The following POLR3E variants were observed in gnomAD, a reference collection of about 807,000 sequenced individuals.
POLR3E encodes the protein RNA polymerase III subunit E, also known as DNA-directed RNA polymerase III subunit RPC5.
POLR3E carries 41 observed loss-of-function variants against 96.6 expected under a neutral mutation model. The ratio of observed to expected loss-of-function variants is 0.42; its 90% CI spans 0.33 to 0.55. The LOEUF is 0.55. Ranked by LOEUF, POLR3E falls within the 20% of genes least tolerant of loss-of-function variation. POLR3E has a pLI of 0.06. For synonymous variants in POLR3E, 396 were observed against 383.6 expected (o/e 1.03, Z -0.38); for missense variants, 849 against 952.1 (o/e 0.89, Z 1.43).
intron 1 of POLR3E, chr16:22,302,711 C>A (rs183791955): frequency 5.5e-6 from 3 of 543,752 alleles, no homozygotes; most frequent in Admixed American, 3.1e-5. Context: ...TTGGTCTACC[C>A]GCTTGCACCC....
In POLR3E at chr16:22,314,898, G is replaced by A. The variant is rs992239143; in HGVS notation, c.523-191G>A. Reference sequence around the variant, plus strand: ...GGGCAGGCACGAGCAAGTATAAGCCGTTCCCTGGCGTGTGCAGGCAGCTCT... The same window carrying A: ...GGGCAGGCACGAGCAAGTATAAGCCATTCCCTGGCGTGTGCAGGCAGCTCT... On this transcript the variant is annotated intron_variant, in intron 8 of 20. Coordinates refer to ENST00000299853, the MANE Select transcript of POLR3E (RefSeq NM_018119.4). The A allele has an allele frequency of 5.8e-5, 31 of 537,634 alleles. 1 individual carries two copies. The East Asian group carries it at 7.5e-4, about 13-fold the overall frequency. 33.3% of individuals were successfully genotyped at this position (537,634 alleles called of 1,614,324 possible).
Position 22,313,486 on chromosome 16 carries a change from C to A in POLR3E, c.365-134C>A. ...TCCCTGGCCTGGTGGTCCCAAGACT[C>A]TAGGATTGGGGGCTGCAGCGGGAAT... On this transcript the variant is annotated intron_variant, in intron 6 of 20. Coordinates refer to ENST00000299853, the MANE Select transcript of POLR3E (RefSeq NM_018119.4). This position sits in a 1 kb window ranked among gnomAD's most constrained non-coding sequence, Gnocchi z 4.1. 1 of 634,624 alleles carries A rather than the reference C, an allele frequency of 1.6e-6. No individual in the cohort carries two copies. Among genetic ancestry groups the A allele is most frequent in the Non-Finnish European group, 2.9e-6 (1 of 350,458 alleles). 39.3% of individuals were successfully genotyped at this position (634,624 alleles called of 1,614,324 possible). A position where few individuals can be genotyped will look rare whatever the true frequency, so the allele number is the denominator to read the frequency against.
At chr16:22,316,553 C>T (rs775042048) in intron 9 of POLR3E, 48 bp from the exon 10 acceptor site, 2 of 1,484,094 alleles carry the variant, frequency 1.3e-6, no homozygotes, top group Non-Finnish European at 1.9e-6. Context: ...GGGCCCAGGC[C>T]AGGGCCATCA....
chr16:22,301,124 G>A (rs921290144), intron 1 of POLR3E, among the ~76,000 whole-genome samples: 3 of 142,356 alleles, frequency 2.1e-5, no homozygotes, highest in African/African-American at 7.6e-5. Flanking sequence ...AGCAAAAACC[G>A]GAAAGAGGTG....
intron 17 of POLR3E, 50 bp downstream of exon 17, chr16:22,325,316 C>T (rs1466091042): frequency 2.1e-6 from 3 of 1,434,652 alleles, no homozygotes; most frequent in Non-Finnish European, 3.0e-6. Flanking sequence ...CACTGTGGCT[C>T]CGGAAGGGCT....
At position 22,308,969 on chromosome 16, in the gene POLR3E, C is replaced by T. The variant is rs267604457; in HGVS notation, c.210C>T (p.Cys70=). The change falls in exon 5 of 21, where the codon TGC becomes TGT. Residue 70 remains cysteine, a synonymous_variant. Transcript: ENST00000299853. The part of the protein sequence containing the change: ...MAIDTLNPNY[C]RSKGEQIALN... ...TCGACACCCTGAACCCCAACTATTG[C>T]CGCAGCAAAGGGGAGCAGATTGCGC... 6.2e-7 allele frequency: 1 copy of T among 1,614,018 alleles called. No individual in the cohort carries two copies. Among genetic ancestry groups the T allele is most frequent in the South Asian group, 1.1e-5 (1 of 91,078 alleles).
chr16:22,305,347 G>C, intron 3 of POLR3E, 141 bp downstream of exon 3: 2 of 743,742 alleles, frequency 2.7e-6, no homozygotes, highest in Non-Finnish European at 4.9e-6. Context: ...CTTTGCTTTC[G>C]TGGGTGGGTT....
Position 22,322,806 on chromosome 16 carries a change from G to T in POLR3E, c.987-44G>T. ...GCCGGGAGGGGTAGCGGTAGAGGGG[G>T]CTCAGGGCAGGGACTGACCTGCCAT... On this transcript the variant is annotated intron_variant, in intron 13 of 20. Coordinates refer to ENST00000299853, the MANE Select transcript of POLR3E (RefSeq NM_018119.4). The surrounding 1 kb of genome is among the most constrained non-coding windows in gnomAD (Gnocchi z 5.2). The T allele has an allele frequency of 1.5e-6, 2 of 1,378,156 alleles. No individual in the cohort carries two copies. The highest frequency in any genetic ancestry group is 1.8e-4 in the Middle Eastern group (1 of 5,610). 85.4% of individuals were successfully genotyped at this position (1,378,156 alleles called of 1,614,324 possible). A position where few individuals can be genotyped will look rare whatever the true frequency, so the allele number is the denominator to read the frequency against.
At chr16:22,323,242 C>A (rs3803647) in intron 14 of POLR3E, among the ~76,000 whole-genome samples, 1 of 152,092 alleles carries the variant, frequency 6.6e-6, no homozygotes, top group Non-Finnish European at 1.5e-5. Context: ...TAAAAAAAAT[C>A]TTGATGCTAG....
intron 1 of POLR3E, among the ~76,000 whole-genome samples, chr16:22,301,103 G>A (rs1245733590): frequency 5.5e-5 from 8 of 146,598 alleles, no homozygotes; most frequent in Admixed American, 1.4e-4. Flanking sequence ...TTAGCCACAA[G>A]GTGACATTTG....
chr16:22,327,832 CA>C (rs2048636040), intron 18 of POLR3E: 1 of 152,270 alleles, frequency 6.6e-6, no homozygotes, highest in African/African-American at 2.4e-5. Flanking sequence ...TGCTCAAATG[CA>C]AATGTGTATT....
chr16:22,325,355 C>A, intron 17 of POLR3E, 89 bp downstream of exon 17: 1 of 1,065,376 alleles, frequency 9.4e-7, no homozygotes, highest in Non-Finnish European at 1.5e-6. Context: ...AGGCCCGGAC[C>A]TGGAGAGGGT....
At chr16:22,330,595 C>T (rs934371098) in intron 19 of POLR3E, among the ~76,000 whole-genome samples, 1 of 152,182 alleles carries the variant, frequency 6.6e-6, no homozygotes, top group African/African-American at 2.4e-5. Flanking sequence ...AAGCCTCTCC[C>T]TCTGCTTCTC....
At chr16:22,317,680 G>T (rs974944500) in intron 12 of POLR3E, among the ~76,000 whole-genome samples, 1 of 151,226 alleles carries the variant, frequency 6.6e-6, no homozygotes, top group African/African-American at 2.4e-5. Context: ...TTTTTTTAAG[G>T]TTTTTTTAAA....
At chr16:22,306,684 A>G (rs996937467) in intron 3 of POLR3E, among the ~76,000 whole-genome samples, 1 of 152,246 alleles carries the variant, frequency 6.6e-6, no homozygotes, top group Non-Finnish European at 1.5e-5. Context: ...CACTGTGGAC[A>G]TTCACATAGA....
At position 22,324,561 on chromosome 16, in the gene POLR3E, A is replaced by G. The variant is rs746214271; in HGVS notation, c.1187A>G (p.Lys396Arg). ...LEHMAVVRIN[K>R]GWEFILPYDG... Reference sequence around the variant, plus strand: ...CACATGGCCGTGGTGAGGATCAACAAAGGCTGGGAGTTCATTCTGCCTTAT... The same window carrying G: ...CACATGGCCGTGGTGAGGATCAACAGAGGCTGGGAGTTCATTCTGCCTTAT... The change falls in exon 16 of 21, where the codon AAA (lysine) becomes AGA (arginine). Residue 396 changes from lysine (K) to arginine (R), a missense_variant. Physicochemically the swap from Lys to Arg is conservative, Grantham distance 26. Coordinates refer to ENST00000299853, the MANE Select transcript of POLR3E (RefSeq NM_018119.4). The G allele has an allele frequency of 6.2e-7, 1 of 1,613,222 alleles. No homozygotes were observed. The highest frequency in any genetic ancestry group is 1.1e-5 in the South Asian group (1 of 91,038).
rs138294850 is a variant in POLR3E at position 22,304,878 on chromosome 16, G to A, written c.37-278G>A. ...ACGTTTCCCGATCAGTGCAGCCCCA[G>A]GGAAGATGTGTGCTTACTGGGGGAT... On this transcript the variant is annotated intron_variant, in intron 2 of 20. Transcript: ENST00000299853. 8.5e-5 allele frequency among the ~76,000 whole-genome samples: 13 copies of A among 152,268 alleles called. No individual in the cohort carries two copies. In the East Asian group the frequency reaches 9.7e-4, roughly 11 times the overall value.
intron 19 of POLR3E, chr16:22,328,840 T>C (rs1337399346): frequency 2.2e-6 from 1 of 448,866 alleles, no homozygotes; most frequent in East Asian, 4.5e-5. Flanking sequence ...TTTTAAAAAA[T>C]ACAGGCTGGG....
In POLR3E at chr16:22,309,422, C is replaced by T. The variant is rs2048199254; in HGVS notation, c.282-6C>T. ...CCCTGTGACGTTGCTTCTCCCTGTG[C>T]TCCAGGAAGCTGATGGACAAGCAGA... is the stretch of plus-strand genomic sequence containing the variant. On this transcript the variant is annotated splice_polypyrimidine_tract_variant and splice_region_variant and intron_variant, in intron 5 of 20. Coordinates refer to ENST00000299853, the MANE Select transcript of POLR3E (RefSeq NM_018119.4). The T allele has an allele frequency of 1.9e-6, 3 of 1,610,874 alleles. No individual in the cohort carries two copies. The highest frequency in any genetic ancestry group is 2.2e-5 in the East Asian group (1 of 44,878).
Sources: gnomAD v4.1 joint callset for allele counts (sites outside exome capture counted in the v4.1 genomes callset) on GRCh38, gnomAD v4.1.1 for gene constraint, Gnocchi (gnomAD v3.1) non-coding constraint, MANE v1.5 for transcripts, NCBI Gene and HGNC (gene_info 2026-07-23, HGNC 2026-07-21) for gene names.